TRPM8: variants seen among roughly 807,000 people sequenced by gnomAD.
The protein encoded by TRPM8 is transient receptor potential cation channel subfamily M member 8, also known as TRPM8 cationic channel.
In TRPM8, 110 loss-of-function variants were observed where a neutral mutation model predicts 133.7. That is an observed-to-expected ratio of 0.82 (90% CI 0.70 to 0.96). The LOEUF (loss-of-function observed/expected upper bound fraction) is 0.96, where lower values mean the gene tolerates loss of function less well. Among genes scored for constraint, TRPM8 ranks in the 40% least tolerant of loss-of-function variants. The pLI, the probability that TRPM8 is intolerant of heterozygous loss-of-function variation, is 0.00. For missense variants in TRPM8, 1,291 were observed against 1,379.5 expected (o/e 0.94, Z 1.02); for synonymous variants, 535 against 532.3 (o/e 1.01, Z -0.07).
chr2:233,927,708 CTCTTTCTT>C (rs1174628676), intron 2 of TRPM8, among the ~76,000 whole-genome samples: 1,592 of 81,402 alleles, frequency 0.02, 83 homozygotes, highest in Non-Finnish European at 0.037. Flanking sequence ...CAGAGTCTGT[CTCTTTCTT>C]TCTTTCTTTC....
In TRPM8 at chr2:234,017,654, T is replaced by C; in HGVS notation, c.*398T>C. On this transcript the variant is annotated 3_prime_UTR_variant, in exon 26 of 26. Transcript: ENST00000324695. ...AACCTGGTCATGCTTTACTCCTGTA[T>C]TGTTATTTTGTTCATTTCCAATTGA... is the stretch of plus-strand genomic sequence containing the variant. 5.8e-6 allele frequency: 1 copy of C among 171,316 alleles called. No individual in the cohort carries two copies. Among genetic ancestry groups the C allele is most frequent in the Non-Finnish European group, 1.3e-5 (1 of 79,940 alleles). 10.6% of individuals were successfully genotyped at this position (171,316 alleles called of 1,614,324 possible). A position where few individuals can be genotyped will look rare whatever the true frequency, so the allele number is the denominator to read the frequency against.
intron 5 of TRPM8, among the ~76,000 whole-genome samples, chr2:233,939,956 G>A (rs2125090752): frequency 6.6e-6 from 1 of 151,966 alleles, no homozygotes; most frequent in South Asian, 2.1e-4. Context: ...CTATCTAACG[G>A]TTCATACTCG....
intron 17 of TRPM8, among the ~76,000 whole-genome samples, chr2:233,975,054 T>C (rs1163905966): frequency 2.0e-5 from 3 of 152,158 alleles, no homozygotes; most frequent in Non-Finnish European, 4.4e-5. Context: ...CCCTAGTGCA[T>C]CTCTTCTTGC....
chr2:233,989,246 C>T lies in TRPM8; in HGVS notation c.2939+3381C>T, dbSNP rs529036752. Reference sequence around the variant, plus strand: ...TTGGAGCTGAGAAAGATGGGAGCCTCGTCTGTCACTTTCAGGTGAAGGAGA... The same window carrying T: ...TTGGAGCTGAGAAAGATGGGAGCCTTGTCTGTCACTTTCAGGTGAAGGAGA... On this transcript the variant is annotated intron_variant, in intron 21 of 25. Transcript: ENST00000324695. This position sits in a 1 kb window ranked among gnomAD's most constrained non-coding sequence, Gnocchi z 4.2. Among the ~76,000 whole-genome samples the T allele has an allele frequency of 2.0e-5, 3 of 152,306 alleles. No individual in the cohort carries two copies. Among genetic ancestry groups the T allele is most frequent in the South Asian group, 2.1e-4 (1 of 4,820 alleles).
chr2:233,980,067 T>C (rs577477715), intron 17 of TRPM8, 121 bp from the exon 18 acceptor site: 3 of 727,854 alleles, frequency 4.1e-6, no homozygotes, highest in South Asian at 3.4e-5. Context: ...TATGAAAGAA[T>C]AAACAAACAC....
chr2:233,960,941 C>T lies in TRPM8; in HGVS notation c.1528C>T (p.Gln510Ter), dbSNP rs753495696. ...HFSTLVYRNL[Q>*]IAKNSYNDAL... ...CAGCACGCTTGTGTACCGGAATCTG[C>T]AGATCGCCAAGAATTCCTATAATGA... The change falls in exon 12 of 26, where the codon CAG (glutamine) becomes TAG (stop). Residue 510 changes from glutamine to a stop codon, truncating the protein, a stop_gained. Coordinates refer to ENST00000324695, the MANE Select transcript of TRPM8 (RefSeq NM_024080.5). LOFTEE classifies it high-confidence loss of function. The T allele has an allele frequency of 6.2e-7, 1 of 1,614,186 alleles. No individual in the cohort carries two copies. The highest frequency in any genetic ancestry group is 1.1e-5 in the South Asian group (1 of 91,070).
chr2:233,955,129 C>G lies in TRPM8; in HGVS notation c.1244-3C>G, dbSNP rs1184153952. The stretch of plus-strand genomic sequence containing the variant: ...AGTTGAGTCTTTTCCTGCCCTCTCA[C>G]AGCCTTCAGCACCAGTGAGCAAGAC... On this transcript the variant is annotated splice_region_variant and splice_polypyrimidine_tract_variant and intron_variant, in intron 10 of 25. Coordinates refer to ENST00000324695, the MANE Select transcript of TRPM8 (RefSeq NM_024080.5). 1 of 1,611,910 alleles carries G rather than the reference C, an allele frequency of 6.2e-7. No individual in the cohort carries two copies.
chr2:233,932,654 G>A (rs527803436), intron 3 of TRPM8, among the ~76,000 whole-genome samples: 2 of 152,148 alleles, frequency 1.3e-5, no homozygotes, highest in South Asian at 4.2e-4. Flanking sequence ...TCAAAATGAA[G>A]GGAGATGTGG....
chr2:234,011,065 G>A (rs1427371513), intron 24 of TRPM8, among the ~76,000 whole-genome samples: 2 of 152,176 alleles, frequency 1.3e-5, no homozygotes, highest in Non-Finnish European at 2.9e-5. Context: ...GAGTCAAGAA[G>A]GTTTTCCCCT....
Position 234,000,946 on chromosome 2 carries a change from C to T in TRPM8, c.3130+4430C>T, listed in dbSNP as rs144798190. 4.3e-4 allele frequency among the ~76,000 whole-genome samples: 66 copies of T among 152,246 alleles called. 1 individual carries two copies. In the East Asian group the frequency reaches 0.011, roughly 26 times the overall value. On this transcript the variant is annotated intron_variant, in intron 22 of 25. Transcript: ENST00000324695. ...GCCCACCTCAGCCTCCTAAAGTTCC[C>T]GGATTATAGGCGTTAGCTACTGTTC...
chr2:233,963,126 A>G (rs971852209), intron 12 of TRPM8, among the ~76,000 whole-genome samples, 156 bp from the exon 13 acceptor site: 6 of 152,160 alleles, frequency 3.9e-5, no homozygotes, highest in Non-Finnish European at 7.3e-5. Context: ...AGACCACCCA[A>G]TGAGTTGCAG....
At chr2:233,987,539 A>G (rs898453520) in intron 21 of TRPM8, among the ~76,000 whole-genome samples, 5 of 152,200 alleles carry the variant, frequency 3.3e-5, no homozygotes, top group Non-Finnish European at 5.9e-5. Flanking sequence ...ACCTCTGGGG[A>G]CATCACATAG....
chr2:233,967,648 C>T (rs529956287), intron 15 of TRPM8, among the ~76,000 whole-genome samples: 7 of 152,162 alleles, frequency 4.6e-5, no homozygotes, highest in Non-Finnish European at 7.3e-5. Flanking sequence ...CAGATGTTTA[C>T]GAACAAAACC....
rs545265234 is a variant in TRPM8 at position 233,989,616 on chromosome 2, C to A, written c.2939+3751C>A. Among the ~76,000 whole-genome samples, 8 of 152,320 alleles carry A rather than the reference C, an allele frequency of 5.3e-5. No individual in the cohort carries two copies. Among genetic ancestry groups the A allele is most frequent in the Non-Finnish European group, 5.9e-5 (4 of 68,024 alleles). On this transcript the variant is annotated intron_variant, in intron 21 of 25. Coordinates refer to ENST00000324695, the MANE Select transcript of TRPM8 (RefSeq NM_024080.5). This position sits in a 1 kb window ranked among gnomAD's most constrained non-coding sequence, Gnocchi z 4.2. ...CAGATGGCCCCAGGATGTGACCCTT[C>A]CCTGGCACCACATCAAAATACTCAT...
intron 1 of TRPM8, among the ~76,000 whole-genome samples, chr2:233,925,585 G>C (rs927935610): frequency 6.6e-6 from 1 of 152,174 alleles, no homozygotes; most frequent in Non-Finnish European, 1.5e-5. Flanking sequence ...GGCCGGGGAG[G>C]TGGAGACCAG....
chr2:233,919,144 A>C (rs1691359257), intron 1 of TRPM8, among the ~76,000 whole-genome samples: 1 of 136,638 alleles, frequency 7.3e-6, no homozygotes, highest in Admixed American at 7.0e-5. Context: ...GCTAAAAAGC[A>C]ACTTATAAAA....
At chr2:233,941,509 T>A (rs1690903452) in intron 5 of TRPM8, among the ~76,000 whole-genome samples, 1 of 152,066 alleles carries the variant, frequency 6.6e-6, no homozygotes, top group Non-Finnish European at 1.5e-5. Flanking sequence ...GTAGTAAAAT[T>A]AGAGAATGGA....
At chr2:233,949,316 T>C (rs927853929) in intron 8 of TRPM8, among the ~76,000 whole-genome samples, 1 of 152,246 alleles carries the variant, frequency 6.6e-6, no homozygotes, top group Non-Finnish European at 1.5e-5. Context: ...CACTATATCT[T>C]GCTGTCCAGT....
At position 233,926,646 on chromosome 2, in the gene TRPM8, A is replaced by G. The variant is rs1691522745; in HGVS notation, c.109A>G (p.Ser37Gly). 1 of 1,612,534 alleles carries G rather than the reference A, an allele frequency of 6.2e-7. No individual in the cohort carries two copies. The change falls in exon 2 of 26, where the codon AGT (serine) becomes GGT (glycine). Residue 37 changes from serine (S) to glycine (G), a missense_variant. Ser to Gly is a moderately conservative substitution (Grantham distance 56). Coordinates refer to ENST00000324695, the MANE Select transcript of TRPM8 (RefSeq NM_024080.5). ...GTCTCGGAGCACAGACTTGTCTTACAGTGAAAGCGTAAGTCATGCGCATCA... is the reference window on the plus strand; with the variant it reads ...GTCTCGGAGCACAGACTTGTCTTACGGTGAAAGCGTAAGTCATGCGCATCA... ...SASRSTDLSY[S>G]ESDLVNFIQA...
Sources: allele counts gnomAD v4.1 joint callset (sites outside exome capture counted in the v4.1 genomes callset), GRCh38; gene constraint gnomAD v4.1.1; non-coding constraint Gnocchi (gnomAD v3.1); transcripts MANE v1.5; gene names NCBI Gene and HGNC (gene_info 2026-07-23, HGNC 2026-07-21).